Variants in CCDC110 observed in about 807,000 individuals in gnomAD.
The protein encoded by CCDC110 is coiled-coil domain containing 110.
A neutral mutation model predicts 77.1 loss-of-function variants in CCDC110; 70 were observed. The ratio of observed to expected loss-of-function variants is 0.91; its 90% confidence interval spans 0.75 to 1.11. The LOEUF is 1.11. Among genes scored for constraint, CCDC110 ranks in the 50% least tolerant of loss-of-function variants. The pLI is 0.00. For synonymous variants in CCDC110, 295 were observed against 312.5 expected, an observed-to-expected ratio of 0.94 and a Z score of 0.59; for missense variants, 868 against 942.9, an observed-to-expected ratio of 0.92 and a Z score of 1.04.
intron 2 of CCDC110, among the ~76,000 whole-genome samples, chr4:185,469,565 T>A (rs1164727522): frequency 3.3e-5 from 5 of 152,234 alleles, no homozygotes; most frequent in African/African-American, 4.8e-5. Flanking sequence ...GCTACCTCAA[T>A]GTCTCAACTC....
Position 185,458,124 on chromosome 4 carries a change from A to C in CCDC110, c.2461+2T>G, listed in dbSNP as rs563244246. 1.3e-5 allele frequency: 20 copies of C among 1,539,044 alleles called. 2 individuals are homozygous for C. In the South Asian group the frequency reaches 2.4e-4, roughly 18 times the overall value. On this transcript the variant is annotated splice_donor_variant, in intron 6 of 6. Coordinates refer to ENST00000307588, the MANE Select transcript of CCDC110 (RefSeq NM_152775.4). LOFTEE classifies it high-confidence loss of function. ...TCTACTAATCTACCAGGACTTGCGT[A>C]CCTTTCAAATCCGAAGCCAAAGGCC...
At position 185,468,486 on chromosome 4, in the gene CCDC110, G is replaced by A. The variant is rs1292895188; in HGVS notation, c.115+2459C>T. Reference sequence around the variant, plus strand: ...AGAATAAATCCCAAATTCATCCATGGAACTACAAAGCCCTGTCCTGGTTCC... The same window carrying A: ...AGAATAAATCCCAAATTCATCCATGAAACTACAAAGCCCTGTCCTGGTTCC... On this transcript the variant is annotated intron_variant, in intron 2 of 6. Coordinates refer to ENST00000307588, the MANE Select transcript of CCDC110 (RefSeq NM_152775.4). The surrounding 1 kb of genome is among the most constrained non-coding windows in gnomAD (Gnocchi z 4.5). Among the ~76,000 whole-genome samples the A allele has an allele frequency of 6.6e-6, 1 of 152,084 alleles. No homozygotes were observed. Among genetic ancestry groups the A allele is most frequent in the Non-Finnish European group, 1.5e-5 (1 of 68,016 alleles).
chr4:185,469,560 C>G (rs1385121441), intron 2 of CCDC110, among the ~76,000 whole-genome samples: 1 of 152,210 alleles, frequency 6.6e-6, no homozygotes, highest in Non-Finnish European at 1.5e-5. Flanking sequence ...ACGGAGCTAC[C>G]TCAATGTCTC....
intron 6 of CCDC110, among the ~76,000 whole-genome samples, chr4:185,451,377 G>A (rs947878572): frequency 1.3e-5 from 2 of 152,172 alleles, no homozygotes; most frequent in Non-Finnish European, 2.9e-5. Flanking sequence ...CTTCTTTTGG[G>A]CCTCCCCACT....
chr4:185,447,186 CT>C (rs11352180), intron 6 of CCDC110, among the ~76,000 whole-genome samples: 82,994 of 139,402 alleles, frequency 0.6, 26,693 homozygotes, highest in East Asian at 0.81. Context: ...TATATTTTTT[CT>C]TTTTTTTTTT....
At position 185,454,222 on chromosome 4, in the gene CCDC110, C is replaced by T. The variant is rs555054538; in HGVS notation, c.2461+3904G>A. ...TACTTGTAGGAAATCAACTGTAGAA[C>T]GCACGTTACTTTACAAGAAAAAAGA... On this transcript the variant is annotated intron_variant, in intron 6 of 6. Transcript: ENST00000307588. Among the ~76,000 whole-genome samples the T allele has an allele frequency of 1.7e-3, 252 of 152,226 alleles. 1 individual carries two copies. Among genetic ancestry groups the T allele is most frequent in the Middle Eastern group, 3.4e-3 (1 of 294 alleles).
chr4:185,459,682 T>A lies in CCDC110; in HGVS notation c.905A>T (p.Asn302Ile), dbSNP rs1365243094. ...CTTTGATTTTATATCTTCATTTAAG[T>A]TACCGTCCAAGTTTTCTTCCTTAAT... ...NFIKEENLDG[N>I]LNEDIKSKRI... Residue 302 changes from asparagine to isoleucine, a missense_variant, in exon 6 of 7, where the codon AAC (asparagine) becomes ATC (isoleucine). Transcript: ENST00000307588. The A allele has an allele frequency of 6.2e-7, 1 of 1,612,158 alleles. No individual in the cohort carries two copies. Among genetic ancestry groups the A allele is most frequent in the Non-Finnish European group, 8.5e-7 (1 of 1,179,508 alleles).
At chr4:185,470,498 T>C (rs1251016579) in intron 2 of CCDC110, 2 of 347,374 alleles carry the variant, frequency 5.8e-6, no homozygotes, top group Non-Finnish European at 1.2e-5. Context: ...GTTGGTTGAA[T>C]CCAAGGATGC....
At chr4:185,456,504 T>A (rs1020344488) in intron 6 of CCDC110, among the ~76,000 whole-genome samples, 20 of 152,034 alleles carry the variant, frequency 1.3e-4, no homozygotes, top group Admixed American at 6.5e-5. Flanking sequence ...TTGGTAAAAC[T>A]CTAGCAAGAA....
At chr4:185,458,103 C>T (rs368096712) in intron 6 of CCDC110, 23 bp downstream of exon 6, 14 of 1,475,388 alleles carry the variant, frequency 9.5e-6, no homozygotes, top group Middle Eastern at 1.8e-4. Context: ...CACATCTCTA[C>T]TAATCTACCA....
chr4:185,470,442 A>T (rs2095663825), intron 2 of CCDC110: 2 of 345,696 alleles, frequency 5.8e-6, no homozygotes, highest in African/African-American at 2.1e-5. Context: ...AAATTGTGGT[A>T]CTGTTATTTT....
At chr4:185,452,118 T>C in intron 6 of CCDC110, 1 of 855,352 alleles carries the variant, frequency 1.2e-6, no homozygotes, top group Non-Finnish European at 1.4e-6. Context: ...ATTGTTTTCT[T>C]ACAATTGTTG....
Position 185,459,869 on chromosome 4 carries a change from C to T in CCDC110, c.718G>A (p.Asp240Asn). The change falls in exon 6 of 7, where the codon GAC becomes AAC. Residue 240 changes from aspartate to asparagine, a missense_variant. By Grantham distance (23) the Asp-to-Asn change is conservative. Coordinates refer to ENST00000307588, the MANE Select transcript of CCDC110 (RefSeq NM_152775.4). ...ATTTGTTTGATAGAATGGCAAATGTCATCTAAATTTTCACAAAATCCATGC... is the reference window on the plus strand; with the variant it reads ...ATTTGTTTGATAGAATGGCAAATGTTATCTAAATTTTCACAAAATCCATGC... The part of the protein sequence containing the change: ...LKHGFCENLD[D>N]ICHSIKQMKE... 2.5e-6 allele frequency: 4 copies of T among 1,613,504 alleles called. No individual in the cohort carries two copies. Among genetic ancestry groups the T allele is most frequent in the South Asian group, 1.1e-5 (1 of 90,906 alleles).
rs1561164156 is a variant in CCDC110, at chr4:185,461,063, TG to T, written c.333del (p.Ile112LeufsTer35). 1 of 1,540,798 alleles carries T rather than the reference TG, an allele frequency of 6.5e-7. No homozygotes were observed. The highest frequency in any genetic ancestry group is 1.4e-5 in the African/African-American group (1 of 70,972). On this transcript the variant is annotated frameshift_variant, in exon 5 of 7. Coordinates refer to ENST00000307588, the MANE Select transcript of CCDC110 (RefSeq NM_152775.4). LOFTEE classifies it high-confidence loss of function. Reference sequence around the variant, plus strand: ...GAATAACATACCAAATCCTTTTCAATGCGCGTGCCAAACACCAGATTTTTTT... The same window carrying T: ...GAATAACATACCAAATCCTTTTCAATCGCGTGCCAAACACCAGATTTTTTT... ...SSEKNLVFGT[R>X]IEKDLPTENQ...
At position 185,460,110 on chromosome 4, in the gene CCDC110, A is replaced by G; in HGVS notation, c.477T>C (p.Asn159=). The change falls in exon 6 of 7, where the codon AAT becomes AAC. Residue 159 remains asparagine (N), a synonymous_variant. Coordinates refer to ENST00000307588, the MANE Select transcript of CCDC110 (RefSeq NM_152775.4). The part of the protein sequence containing the change: ...DSVNSLPQSV[N]VPSQIHSEDT... The stretch of plus-strand genomic sequence containing the variant: ...CCTCGGAATGTATCTGGGATGGAAC[A>G]TTTACACTTTGAGGGAGACTGTTCA... 6.2e-7 allele frequency: 1 copy of G among 1,613,776 alleles called. No homozygotes were observed.
intron 2 of CCDC110, among the ~76,000 whole-genome samples, chr4:185,464,427 G>T (rs561891248): frequency 2.0e-5 from 3 of 152,078 alleles, no homozygotes; most frequent in Non-Finnish European, 4.4e-5. Flanking sequence ...GTCAGAGGGC[G>T]GATCTTGCTG....
intron 2 of CCDC110, among the ~76,000 whole-genome samples, chr4:185,466,363 G>A (rs192720218): frequency 1.3e-4 from 20 of 152,038 alleles, no homozygotes; most frequent in African/African-American, 2.4e-4. Context: ...AGACAAGAGC[G>A]AAACTCCATC....
At position 185,445,195 on chromosome 4, in the gene CCDC110, C is replaced by A. The variant is rs2095606849; in HGVS notation, c.*307G>T. On this transcript the variant is annotated 3_prime_UTR_variant, in exon 7 of 7. Transcript: ENST00000307588. ...ATTGTTTCCAACTTTTATACTTCTT[C>A]AAAATAGTATCTTTTATTTATATAT... The A allele has an allele frequency of 2.3e-6, 3 of 1,306,400 alleles. No homozygotes were observed. The highest frequency in any genetic ancestry group is 5.0e-5 in the East Asian group (2 of 39,648). 80.9% of individuals were successfully genotyped at this position (1,306,400 alleles called of 1,614,324 possible).
Position 185,445,338 on chromosome 4 carries a change from C to T in CCDC110, c.*164G>A, listed in dbSNP as rs1435267139. On this transcript the variant is annotated 3_prime_UTR_variant, in exon 7 of 7. Transcript: ENST00000307588. Reference sequence around the variant, plus strand: ...CTTCTGAAATTCCCAGCTGAGAAAGCTTAAGTTATCTGCACCAAACCATTC... The same window carrying T: ...CTTCTGAAATTCCCAGCTGAGAAAGTTTAAGTTATCTGCACCAAACCATTC... The T allele has an allele frequency of 1.4e-6, 1 of 721,142 alleles. No homozygotes were observed. The highest frequency in any genetic ancestry group is 2.9e-5 in the Admixed American group (1 of 34,044). The allele number at this position is 721,142 out of a possible 1,614,324, so 44.7% of individuals were successfully genotyped here. A position where few individuals can be genotyped will look rare whatever the true frequency, so the allele number is the denominator to read the frequency against.
Sources: allele counts gnomAD v4.1 joint callset (sites outside exome capture counted in the v4.1 genomes callset), GRCh38; gene constraint gnomAD v4.1.1; non-coding constraint Gnocchi (gnomAD v3.1); transcripts MANE v1.5; gene names NCBI Gene and HGNC (gene_info 2026-07-23, HGNC 2026-07-21).